Variants in ERBB4 observed in about 807,000 individuals in gnomAD.
ERBB4 encodes receptor tyrosine-protein kinase erbB-4.
Under a neutral mutation model 158.0 loss-of-function variants are expected in ERBB4, and 42 were observed. The observed-to-expected ratio is 0.27, with a 90% CI of 0.21 to 0.34. The LOEUF is 0.34. Ranked by LOEUF, ERBB4 falls within the 10% of genes least tolerant of loss-of-function variation. The pLI is 1.00. For synonymous variants in ERBB4, 583 were observed against 558.7 expected (o/e 1.04, Z -0.61); for missense variants, 1,333 against 1,624.1 (o/e 0.82, Z 3.08).
At chr2:211,857,334 A>G (rs370089608) in intron 3 of ERBB4, among the ~76,000 whole-genome samples, 1 of 152,186 alleles carries the variant, frequency 6.6e-6, no homozygotes, top group Non-Finnish European at 1.5e-5. Context: ...GTTAAGTCCA[A>G]TAAGTGTTGC....
At chr2:212,170,063 A>G (rs1168607214) in intron 1 of ERBB4, among the ~76,000 whole-genome samples, 1 of 152,174 alleles carries the variant, frequency 6.6e-6, no homozygotes, top group Non-Finnish European at 1.5e-5. Context: ...GAACTGGGTA[A>G]TGGGCAGAGG....
rs370492996 is a variant in ERBB4 at position 211,637,258 on chromosome 2, A to T, written c.1947-6664T>A. On this transcript the variant is annotated intron_variant, in intron 16 of 27. Coordinates refer to ENST00000342788, the MANE Select transcript of ERBB4 (RefSeq NM_005235.3). ...TGCTGTAAGAAAAATGTAGTTGATC[A>T]AAAACCTATTGACTCTCTATTAAAA... Among the ~76,000 whole-genome samples, 8 of 152,122 alleles carry T rather than the reference A, an allele frequency of 5.3e-5. No homozygotes were observed. In the South Asian group the frequency reaches 6.2e-4, roughly 12 times the overall value.
intron 2 of ERBB4, among the ~76,000 whole-genome samples, chr2:212,086,358 C>CAA (rs76096908): frequency 2.0e-4 from 26 of 128,000 alleles, no homozygotes; most frequent in South Asian, 5.0e-4. Context: ...TTCTCCCCAC[C>CAA]AAAAAAAAAA....
intron 18 of ERBB4, among the ~76,000 whole-genome samples, chr2:211,622,886 C>T (rs748692397): frequency 2.2e-5 from 3 of 138,814 alleles, no homozygotes; most frequent in Non-Finnish European, 4.5e-5. Context: ...TAGCTGGAAC[C>T]TGGGAGGAGG....
rs549229027 is a variant in ERBB4 at position 211,521,601 on chromosome 2, A to C, written c.2487+40302T>G. Among the ~76,000 whole-genome samples the C allele has an allele frequency of 3.3e-5, 5 of 152,310 alleles. No homozygotes were observed. The East Asian group carries it at 9.7e-4, about 29-fold the overall frequency. On this transcript the variant is annotated intron_variant, in intron 20 of 27. Coordinates refer to ENST00000342788, the MANE Select transcript of ERBB4 (RefSeq NM_005235.3). ...TGGCTCCACTAAACAACACATTTTC[A>C]ATGGAGATTAAACAGCCTTATACTG...
intron 20 of ERBB4, among the ~76,000 whole-genome samples, chr2:211,520,107 A>T (rs1485995279): frequency 2.0e-5 from 3 of 152,138 alleles, no homozygotes; most frequent in Non-Finnish European, 4.4e-5. Flanking sequence ...TAAAGATGAG[A>T]GGTTAGCTTT....
chr2:212,239,318 C>T (rs1486060979), intron 1 of ERBB4, among the ~76,000 whole-genome samples: 2 of 152,200 alleles, frequency 1.3e-5, no homozygotes, highest in African/African-American at 4.8e-5. Flanking sequence ...GGTGAGATGA[C>T]AGGCATGACC....
intron 3 of ERBB4, among the ~76,000 whole-genome samples, chr2:211,829,620 A>T: frequency 6.6e-6 from 1 of 152,150 alleles, no homozygotes; most frequent in Non-Finnish European, 1.5e-5. Flanking sequence ...TATCTTATTT[A>T]TCACGCTATT....
intron 5 of ERBB4, among the ~76,000 whole-genome samples, chr2:211,741,803 G>C (rs1481025361): frequency 1.3e-5 from 2 of 152,220 alleles, no homozygotes; most frequent in South Asian, 2.1e-4. Context: ...TAGTTAAAAT[G>C]AAACAACTTG....
At chr2:211,826,321 A>G (rs2077098207) in intron 3 of ERBB4, among the ~76,000 whole-genome samples, 1 of 151,844 alleles carries the variant, frequency 6.6e-6, no homozygotes, top group Non-Finnish European at 1.5e-5. Context: ...GGATATAATC[A>G]TAATCAAATA....
At chr2:211,706,037 C>A (rs1034351999) in intron 9 of ERBB4, among the ~76,000 whole-genome samples, 1 of 151,916 alleles carries the variant, frequency 6.6e-6, no homozygotes, top group East Asian at 1.9e-4. Flanking sequence ...TGAATTCAAG[C>A]AAGACTTCCA....
At chr2:211,795,624 C>A (rs181318175) in intron 3 of ERBB4, among the ~76,000 whole-genome samples, 1 of 151,844 alleles carries the variant, frequency 6.6e-6, no homozygotes, top group African/African-American at 2.4e-5. Flanking sequence ...GTTTCTCTAC[C>A]ATCTTCAATA....
chr2:211,913,024 T>C (rs1212294238), intron 3 of ERBB4, among the ~76,000 whole-genome samples: 1 of 152,178 alleles, frequency 6.6e-6, no homozygotes, highest in Admixed American at 6.5e-5. Flanking sequence ...ATTCTGTTTA[T>C]AACCTCAAGA....
At chr2:212,297,906 A>G (rs931204860) in intron 1 of ERBB4, among the ~76,000 whole-genome samples, 3 of 151,736 alleles carry the variant, frequency 2.0e-5, no homozygotes, top group Non-Finnish European at 4.4e-5. Context: ...ATGTAAAAAT[A>G]TTTGAATTTT....
intron 1 of ERBB4, among the ~76,000 whole-genome samples, chr2:212,333,527 G>GAAAAAA (rs80161582): frequency 7.3e-6 from 1 of 137,014 alleles, no homozygotes; most frequent in Non-Finnish European, 1.6e-5. Flanking sequence ...GAAAAAATAC[G>GAAAAAA]AAAAAAAAAA....
rs182638433 is a variant in ERBB4, at chr2:211,593,071, C to T, written c.2301+26106G>A. On this transcript the variant is annotated intron_variant, in intron 19 of 27. Transcript: ENST00000342788. ...AAGGGGCTTGCTCCATCTTGGCTCT[C>T]GTAGTGAGAAGAATGTGTCTTTGGG... is the stretch of plus-strand genomic sequence containing the variant. 4.6e-4 allele frequency among the ~76,000 whole-genome samples: 70 copies of T among 151,066 alleles called. 1 individual carries two copies. Among genetic ancestry groups the T allele is most frequent in the African/African-American group, 1.3e-3 (54 of 41,150 alleles).
In ERBB4 at chr2:211,785,599, T is replaced by A. The variant is rs139549548; in HGVS notation, c.556+2426A>T. 4.6e-5 allele frequency among the ~76,000 whole-genome samples: 7 copies of A among 152,294 alleles called. No homozygotes were observed. In the East Asian group the frequency reaches 1.4e-3, roughly 30 times the overall value. ...TCGCTTTTGAGTTAATTTTTGAACA[T>A]GGCATATGATGAGGCCCAAGTTCAA... On this transcript the variant is annotated intron_variant, in intron 4 of 27. Coordinates refer to ENST00000342788, the MANE Select transcript of ERBB4 (RefSeq NM_005235.3).
intron 3 of ERBB4, among the ~76,000 whole-genome samples, chr2:211,930,087 AT>A (rs1032529629): frequency 5.3e-5 from 8 of 152,226 alleles, no homozygotes; most frequent in Non-Finnish European, 7.4e-5. Context: ...CAGATTTTCT[AT>A]TTTTTTAACA....
At chr2:212,503,787 T>C (rs1009486214) in intron 1 of ERBB4, among the ~76,000 whole-genome samples, 8 of 152,174 alleles carry the variant, frequency 5.3e-5, no homozygotes, top group Non-Finnish European at 1.0e-4. Context: ...TACTTTGTGG[T>C]ATTTACCACG....
Sources: gnomAD v4.1 joint callset for allele counts (sites outside exome capture counted in the v4.1 genomes callset) on GRCh38, gnomAD v4.1.1 for gene constraint, MANE v1.5 for transcripts, NCBI Gene and HGNC (gene_info 2026-07-23, HGNC 2026-07-21) for gene names.